PARD3: variants seen among roughly 807,000 people sequenced by gnomAD.
The protein encoded by PARD3 is par-3 family cell polarity regulator, also known as partitioning defective 3 homolog.
A neutral mutation model predicts 155.4 loss-of-function variants in PARD3; 75 were observed. That is an observed-to-expected ratio of 0.48 (90% CI 0.40 to 0.58). The LOEUF is 0.58. Among genes scored for constraint, PARD3 ranks in the 20% least tolerant of loss-of-function variants. The pLI is 0.00. For missense variants in PARD3, 1,642 were observed against 1,721.7 expected (o/e 0.95, Z 0.82); for synonymous variants, 576 against 610.5 (o/e 0.94, Z 0.83).
chr10:34,155,529 GAA>G (rs1437075123), intron 22 of PARD3, among the ~76,000 whole-genome samples: 4 of 152,156 alleles, frequency 2.6e-5, no homozygotes, highest in Non-Finnish European at 4.4e-5. Context: ...CAGAACCCCA[GAA>G]AGACTTGGGA....
chr10:34,771,719 A>G (rs1838890065), intron 1 of PARD3, among the ~76,000 whole-genome samples: 1 of 152,226 alleles, frequency 6.6e-6, no homozygotes, highest in Non-Finnish European at 1.5e-5. Context: ...TTAGACAAAG[A>G]CACACACATG....
intron 2 of PARD3, among the ~76,000 whole-genome samples, chr10:34,671,298 T>C (rs928194230): frequency 6.6e-6 from 1 of 152,168 alleles, no homozygotes; most frequent in African/African-American, 2.4e-5. Flanking sequence ...AACCCAAATA[T>C]ATCGATAGAT....
intron 2 of PARD3, among the ~76,000 whole-genome samples, chr10:34,611,783 G>GAAAT (rs1487515149): frequency 6.6e-6 from 1 of 151,292 alleles, no homozygotes; most frequent in Non-Finnish European, 1.5e-5. Flanking sequence ...ATGAAGATGG[G>GAAAT]AAATAAATGT....
intron 10 of PARD3, 151 bp from the exon 11 acceptor site, chr10:34,375,153 T>C (rs1345189063): frequency 1.6e-6 from 1 of 627,824 alleles, no homozygotes; most frequent in South Asian, 2.2e-5. Context: ...AATTCTGCCA[T>C]GATCTGGGAA....
chr10:34,426,079 A>C (rs2075587605), intron 5 of PARD3, among the ~76,000 whole-genome samples: 1 of 152,208 alleles, frequency 6.6e-6, no homozygotes, highest in Non-Finnish European at 1.5e-5. Flanking sequence ...GCAAAAACAA[A>C]ATGGCAAATA....
At chr10:34,368,375 AAAG>A (rs891883286) in intron 12 of PARD3, among the ~76,000 whole-genome samples, 1 of 152,120 alleles carries the variant, frequency 6.6e-6, no homozygotes, top group Non-Finnish European at 1.5e-5. Context: ...ATGGACAGGC[AAAG>A]AAGGTGAGAG....
At chr10:34,574,383 C>T (rs1034842611) in intron 2 of PARD3, among the ~76,000 whole-genome samples, 2 of 152,168 alleles carry the variant, frequency 1.3e-5, no homozygotes, top group East Asian at 3.9e-4. Flanking sequence ...AATTTAGACA[C>T]TTGTCCATAA....
At chr10:34,617,863 TA>T (rs201654393) in intron 2 of PARD3, among the ~76,000 whole-genome samples, 1,937 of 152,314 alleles carry the variant, frequency 0.013, 16 homozygotes, top group Middle Eastern at 0.034. Context: ...ATTATACATT[TA>T]TTTTTTTTTA....
chr10:34,402,504 C>A (rs1170771446), intron 5 of PARD3, among the ~76,000 whole-genome samples: 1 of 152,132 alleles, frequency 6.6e-6, no homozygotes, highest in Non-Finnish European at 1.5e-5. Context: ...TTACCCTAAG[C>A]CAATCGACTG....
chr10:34,323,701 C>A (rs1448018377), intron 19 of PARD3, among the ~76,000 whole-genome samples: 1 of 152,310 alleles, frequency 6.6e-6, no homozygotes, highest in Non-Finnish European at 1.5e-5. Flanking sequence ...ACCCATCCCC[C>A]TCAAATGAAG....
chr10:34,551,897 TCA>T (rs1472434657), intron 2 of PARD3, among the ~76,000 whole-genome samples: 1 of 152,158 alleles, frequency 6.6e-6, no homozygotes, highest in Admixed American at 6.5e-5. Context: ...AAAAAAAATC[TCA>T]TAGACTGGAG....
At chr10:34,283,535 G>A (rs1332133991) in intron 21 of PARD3, among the ~76,000 whole-genome samples, 1 of 152,068 alleles carries the variant, frequency 6.6e-6, no homozygotes, top group Non-Finnish European at 1.5e-5. Context: ...TGGTCTTTAA[G>A]TTCTCAACAT....
rs112281243 is a variant in PARD3, at chr10:34,517,124, G to A, written c.258C>T (p.His86=). The A allele has an allele frequency of 2.5e-3, 4,020 of 1,614,132 alleles. 88 individuals carry two copies. The African/African-American group carries it at 0.045, about 18-fold the overall frequency. The change falls in exon 3 of 25, where the codon CAC becomes CAT. Residue 86 remains histidine, a synonymous_variant. Transcript: ENST00000374788. The part of the protein sequence containing the change: ...VAVFDEQDPH[H]GGDGTSASST... ...AACTGGCACTGGTGCCATCACCTCCGTGATGTGGATCCTGCTCATCAAACA... is the reference window on the plus strand; with the variant it reads ...AACTGGCACTGGTGCCATCACCTCCATGATGTGGATCCTGCTCATCAAACA...
At chr10:34,154,852 G>T (rs985772600) in intron 22 of PARD3, among the ~76,000 whole-genome samples, 1 of 152,108 alleles carries the variant, frequency 6.6e-6, no homozygotes, top group African/African-American at 2.4e-5. Flanking sequence ...TTGAGACTTA[G>T]AACTACTATA....
chr10:34,195,940 G>A (rs945335089), intron 22 of PARD3, among the ~76,000 whole-genome samples: 14 of 152,212 alleles, frequency 9.2e-5, no homozygotes, highest in African/African-American at 3.1e-4. Flanking sequence ...TGCTGTGAAA[G>A]TGAAATGCTG....
At chr10:34,437,652 C>T (rs941721680) in intron 5 of PARD3, among the ~76,000 whole-genome samples, 1 of 151,846 alleles carries the variant, frequency 6.6e-6, no homozygotes, top group Admixed American at 6.6e-5. Context: ...ATGAAAAACC[C>T]CTGGACTCTC....
intron 2 of PARD3, among the ~76,000 whole-genome samples, chr10:34,542,938 G>C (rs1483190024): frequency 6.6e-6 from 1 of 152,148 alleles, no homozygotes; most frequent in African/African-American, 2.4e-5. Context: ...TTAATGATAA[G>C]ACAATTCTCA....
rs113687004 is a variant in PARD3, at chr10:34,127,832, A to C, written c.3540+3631T>G. Among the ~76,000 whole-genome samples the C allele has an allele frequency of 6.1e-3, 853 of 140,666 alleles. 7 individuals are homozygous for C. Among genetic ancestry groups the C allele is most frequent in the African/African-American group, 0.021 (764 of 36,706 alleles). The allele number at this position is 140,666 out of a possible 152,430, so 92.3% of individuals were successfully genotyped here. The stretch of plus-strand genomic sequence containing the variant: ...TTTCAGCCTCTTTGTGTAAATATAC[A>C]TAGTTAAGAATTTATCACACATCAC... On this transcript the variant is annotated intron_variant, in intron 23 of 24. Coordinates refer to ENST00000374788, the MANE Select transcript of PARD3 (RefSeq NM_001184785.2).
intron 3 of PARD3, among the ~76,000 whole-genome samples, chr10:34,476,649 C>T (rs1589710812): frequency 6.6e-6 from 1 of 152,076 alleles, no homozygotes; most frequent in South Asian, 2.1e-4. Flanking sequence ...CAAAAAGGTG[C>T]GAGTACACAT....
Sources: gnomAD v4.1 joint callset for allele counts (sites outside exome capture counted in the v4.1 genomes callset) on GRCh38, gnomAD v4.1.1 for gene constraint, MANE v1.5 for transcripts, NCBI Gene and HGNC (gene_info 2026-07-23, HGNC 2026-07-21) for gene names.